The following ZDHHC13 variants were observed in gnomAD, a reference collection of about 807,000 sequenced individuals.
The protein encoded by ZDHHC13 is zDHHC palmitoyltransferase 13, also known as palmitoyltransferase ZDHHC13.
Under a neutral mutation model 86.0 loss-of-function variants are expected in ZDHHC13, and 85 were observed. That is an observed-to-expected ratio of 0.99 (90% CI 0.83 to 1.18). ZDHHC13 has a LOEUF of 1.18. ZDHHC13 is among the 50% of genes most tolerant of loss of function. ZDHHC13 has a pLI of 0.00. For synonymous variants in ZDHHC13, 263 were observed against 246.4 expected (o/e 1.07, Z -0.63); for missense variants, 711 against 730.2 (o/e 0.97, Z 0.30).
chr11:19,138,667 A>C (rs1386737546), intron 1 of ZDHHC13, among the ~76,000 whole-genome samples: 8 of 149,886 alleles, frequency 5.3e-5, no homozygotes, highest in African/African-American at 2.0e-4. Context: ...ATCCTCAATA[A>C]AATACTGGCA....
chr11:19,154,770 G>A lies in ZDHHC13; in HGVS notation c.874-1026G>A, dbSNP rs115784498. On this transcript the variant is annotated intron_variant, in intron 8 of 16. Coordinates refer to ENST00000446113, the MANE Select transcript of ZDHHC13 (RefSeq NM_019028.3). ...ATTCCCTGAAACCTTTCTTTCTGCCGGTTCTCATCCTGCCTTTCTGGTCAG... is the reference window on the plus strand; with the variant it reads ...ATTCCCTGAAACCTTTCTTTCTGCCAGTTCTCATCCTGCCTTTCTGGTCAG... Among the ~76,000 whole-genome samples, 1,260 of 152,152 alleles carry A rather than the reference G, an allele frequency of 8.3e-3. 13 individuals carry two copies. Among genetic ancestry groups the A allele is most frequent in the African/African-American group, 0.027 (1,138 of 41,494 alleles).
intron 1 of ZDHHC13, among the ~76,000 whole-genome samples, chr11:19,136,468 G>C (rs1441070473): frequency 5.9e-5 from 9 of 152,148 alleles, no homozygotes; most frequent in Non-Finnish European, 1.3e-4. Flanking sequence ...GAAAGTGACG[G>C]GGAGAATGGA....
chr11:19,170,454 A>G lies in ZDHHC13; in HGVS notation c.1518A>G (p.Leu506=), dbSNP rs1195372207. 2 of 1,504,228 alleles carry G rather than the reference A, an allele frequency of 1.3e-6. No individual in the cohort carries two copies. Among genetic ancestry groups the G allele is most frequent in the South Asian group, 2.5e-5 (2 of 81,556 alleles). 93.2% of individuals were successfully genotyped at this position (1,504,228 alleles called of 1,614,324 possible). Residue 506 remains leucine, a synonymous_variant, in exon 15 of 17, where the codon TTA becomes TTG. Transcript: ENST00000446113. ...HCATTFKEDG[L]WTYLNQIVAC... Reference sequence around the variant, plus strand: ...CCACAACATTCAAAGAAGATGGATTATGGACTTACCTCAATCAGATTGTGG... The same window carrying G: ...CCACAACATTCAAAGAAGATGGATTGTGGACTTACCTCAATCAGATTGTGG...
intron 10 of ZDHHC13, among the ~76,000 whole-genome samples, chr11:19,162,280 A>G (rs1171198447): frequency 2.0e-5 from 3 of 152,152 alleles, no homozygotes; most frequent in Admixed American, 1.3e-4. Flanking sequence ...ATAGAAAGGC[A>G]AATTTTAGCT....
intron 8 of ZDHHC13, 32 bp from the exon 9 acceptor site, chr11:19,155,764 A>G (rs756207191): frequency 1.2e-6 from 2 of 1,602,540 alleles, no homozygotes; most frequent in South Asian, 1.1e-5. Context: ...GGTAAAATCC[A>G]TAAAGTTCTA....
chr11:19,165,251 T>A, intron 13 of ZDHHC13, 106 bp downstream of exon 13: 1 of 1,026,472 alleles, frequency 9.7e-7, no homozygotes, highest in Non-Finnish European at 1.5e-6. Flanking sequence ...TTCAATATTC[T>A]AGTATTCCAA....
At chr11:19,122,105 C>T (rs1848770749) in intron 1 of ZDHHC13, among the ~76,000 whole-genome samples, 1 of 152,172 alleles carries the variant, frequency 6.6e-6, no homozygotes, top group African/African-American at 2.4e-5. Flanking sequence ...AAAATTTCAG[C>T]TCTCTTCTGT....
intron 15 of ZDHHC13, among the ~76,000 whole-genome samples, chr11:19,171,318 G>A (rs1343967881): frequency 1.3e-5 from 2 of 152,112 alleles, no homozygotes; most frequent in Non-Finnish European, 2.9e-5. Context: ...ATGGGCAGCA[G>A]GTGGTCATCA....
In ZDHHC13 at chr11:19,163,377, T is replaced by C. The variant is rs1849965928; in HGVS notation, c.1183T>C (p.Trp395Arg). 1 of 1,608,612 alleles carries C rather than the reference T, an allele frequency of 6.2e-7. No homozygotes were observed. Among genetic ancestry groups the C allele is most frequent in the Non-Finnish European group, 8.5e-7 (1 of 1,177,608 alleles). Residue 395 changes from tryptophan (W) to arginine (R), a missense_variant, in exon 11 of 17, where the codon TGG becomes CGG. Coordinates refer to ENST00000446113, the MANE Select transcript of ZDHHC13 (RefSeq NM_019028.3). ...VAFLYFFYKT[W>R]ATDPGFTKAS... ...CTTTCTATACTTTTTCTATAAGACTTGGGCAACTGATCCAGGCTTCACTAA... is the reference window on the plus strand; with the variant it reads ...CTTTCTATACTTTTTCTATAAGACTCGGGCAACTGATCCAGGCTTCACTAA...
chr11:19,127,933 G>C (rs1032461602), intron 1 of ZDHHC13, among the ~76,000 whole-genome samples: 3 of 152,126 alleles, frequency 2.0e-5, no homozygotes, highest in African/African-American at 7.2e-5. Flanking sequence ...GGCTATTCAG[G>C]CTCTTTTTTG....
intron 10 of ZDHHC13, among the ~76,000 whole-genome samples, chr11:19,160,972 T>C (rs1849894836): frequency 6.6e-6 from 1 of 151,980 alleles, no homozygotes; most frequent in African/African-American, 2.4e-5. Context: ...TTTTATTTGC[T>C]TGTACAACCT....
chr11:19,151,265 C>T (rs1849599687), intron 6 of ZDHHC13, among the ~76,000 whole-genome samples: 1 of 152,038 alleles, frequency 6.6e-6, no homozygotes, highest in Non-Finnish European at 1.5e-5. Context: ...AGATCAGGCA[C>T]TTACATATTC....
intron 13 of ZDHHC13, 31 bp from the exon 14 acceptor site, chr11:19,166,271 A>AT (rs753409407): frequency 3.2e-6 from 5 of 1,566,922 alleles, no homozygotes; most frequent in Non-Finnish European, 4.3e-6. Flanking sequence ...AAACGAAAAT[A>AT]TTAAGTATGT....
At chr11:19,169,203 A>C in intron 14 of ZDHHC13, 1 of 985,418 alleles carries the variant, frequency 1.0e-6, no homozygotes, top group Non-Finnish European at 1.2e-6. Flanking sequence ...TTCTTTCCCA[A>C]TCAACAGCTG....
At position 19,127,355 on chromosome 11, in the gene ZDHHC13, T is replaced by G. The variant is rs144271434; in HGVS notation, c.27+10079T>G. ...TTATAGATGCTGGATATTAGAACTT[T>G]GTCAGATGCATAGTTTGCAAATATT... On this transcript the variant is annotated intron_variant, in intron 1 of 16. Transcript: ENST00000446113. 9.8e-3 allele frequency among the ~76,000 whole-genome samples: 1,493 copies of G among 152,346 alleles called. 29 individuals are homozygous for G. Among genetic ancestry groups the G allele is most frequent in the African/African-American group, 0.034 (1,416 of 41,576 alleles).
At chr11:19,142,707 TAAAG>T (rs1849354810) in intron 1 of ZDHHC13, among the ~76,000 whole-genome samples, 1 of 152,086 alleles carries the variant, frequency 6.6e-6, no homozygotes, top group African/African-American at 2.4e-5. Flanking sequence ...AGAATTAAGA[TAAAG>T]AAAATCTTCC....
chr11:19,166,362 G>A lies in ZDHHC13; in HGVS notation c.1451G>A (p.Trp484Ter). The A allele has an allele frequency of 6.2e-7, 1 of 1,611,988 alleles. No individual in the cohort carries two copies. Among genetic ancestry groups the A allele is most frequent in the African/African-American group, 1.3e-5 (1 of 74,892 alleles). The stretch of plus-strand genomic sequence containing the variant: ...TTTTTCCTTTCCATGGTATGTGGCT[G>A]GATTATATATGGATCTTTCATCTGT... ...FLFFLSMVCG[W>*]IIYGSFIYLS... The change falls in exon 14 of 17, where the codon TGG becomes TAG. Residue 484 changes from tryptophan to a stop codon, truncating the protein, a stop_gained. Coordinates refer to ENST00000446113, the MANE Select transcript of ZDHHC13 (RefSeq NM_019028.3). LOFTEE classifies it high-confidence loss of function.
intron 16 of ZDHHC13, among the ~76,000 whole-genome samples, chr11:19,174,293 A>C (rs796304876): frequency 3.3e-5 from 5 of 152,344 alleles, no homozygotes; most frequent in African/African-American, 1.2e-4. Context: ...GGAATTTTTC[A>C]TTTTAATATT....
rs1848665928 is a variant in ZDHHC13 at position 19,117,313 on chromosome 11, G to A, written c.27+37G>A. 6.2e-6 allele frequency: 9 copies of A among 1,445,672 alleles called. No individual in the cohort carries two copies. The highest frequency in any genetic ancestry group is 2.9e-5 in the African/African-American group (2 of 68,088). 89.6% of individuals were successfully genotyped at this position (1,445,672 alleles called of 1,614,324 possible). A position where few individuals can be genotyped will look rare whatever the true frequency, so the allele number is the denominator to read the frequency against. ...CGGGCGGTGGCTGTCCTGGGGGCCG[G>A]GAGAGCGGCTGCAGCTGTGGAGGAA... is the stretch of plus-strand genomic sequence containing the variant. On this transcript the variant is annotated intron_variant, in intron 1 of 16. Transcript: ENST00000446113. This position sits in a 1 kb window ranked among gnomAD's most constrained non-coding sequence, Gnocchi z 4.2.
Sources: gnomAD v4.1 joint callset for allele counts (sites outside exome capture counted in the v4.1 genomes callset) on GRCh38, gnomAD v4.1.1 for gene constraint, Gnocchi (gnomAD v3.1) non-coding constraint, MANE v1.5 for transcripts, NCBI Gene and HGNC (gene_info 2026-07-23, HGNC 2026-07-21) for gene names.